Variants in PALM2AKAP2 observed in about 807,000 individuals in gnomAD.
The protein encoded by PALM2AKAP2 is PALM2 and AKAP2 fusion, also known as PALM2-AKAP2 fusion protein.
PALM2AKAP2 carries 37 observed loss-of-function variants against 71.5 expected under a neutral mutation model. That is an observed-to-expected ratio of 0.52 (90% CI 0.40 to 0.68). The LOEUF (loss-of-function observed/expected upper bound fraction) is 0.68, where lower values mean the gene tolerates loss of function less well. Ranked by LOEUF, PALM2AKAP2 falls within the 30% of genes least tolerant of loss-of-function variation. The pLI is 0.00. For missense variants in PALM2AKAP2, 1,224 were observed against 1,191.8 expected (o/e 1.03, Z -0.40); for synonymous variants, 468 against 478.8 (o/e 0.98, Z 0.29).
chr9:109,980,763 T>C (rs1832254891), intron 6 of PALM2AKAP2, among the ~76,000 whole-genome samples: 1 of 152,246 alleles, frequency 6.6e-6, no homozygotes, highest in South Asian at 2.1e-4. Context: ...TACAGGCCAA[T>C]TGTTCTACTC....
chr9:109,839,109 T>C (rs1182946902), intron 1 of PALM2AKAP2, among the ~76,000 whole-genome samples: 5 of 152,202 alleles, frequency 3.3e-5, no homozygotes, highest in African/African-American at 1.2e-4. Context: ...CCAATATCCC[T>C]GATGAACATC....
At chr9:109,663,016 C>T (rs978147825) in intron 1 of PALM2AKAP2, among the ~76,000 whole-genome samples, 2 of 152,048 alleles carry the variant, frequency 1.3e-5, no homozygotes, top group East Asian at 1.9e-4. Context: ...TGCTGATATC[C>T]CCTTTATCAT....
rs375056814 is a variant in PALM2AKAP2, at chr9:110,071,089, G to A, written c.156+22234G>A. Among the ~76,000 whole-genome samples, 69 of 148,068 alleles carry A rather than the reference G, an allele frequency of 4.7e-4. 1 individual carries two copies. Among genetic ancestry groups the A allele is most frequent in the African/African-American group, 1.4e-3 (56 of 39,952 alleles). Reference sequence around the variant, plus strand: ...TGAGGCAGGAGAATTGCTTGAACTCGAGAGGCGGAGGCTGCAGGGAGCCCA... The same window carrying A: ...TGAGGCAGGAGAATTGCTTGAACTCAAGAGGCGGAGGCTGCAGGGAGCCCA... On this transcript the variant is annotated intron_variant, in intron 1 of 3. Transcript: ENST00000374525.
At position 110,135,164 on chromosome 9, in the gene PALM2AKAP2, A is replaced by AAAAATAT; in HGVS notation, c.157-962_157-961insAAATATA. Among the ~76,000 whole-genome samples, 52 of 51,720 alleles carry AAAAATAT rather than the reference A, an allele frequency of 1.0e-3. 5 individuals carry two copies. The highest frequency in any genetic ancestry group is 3.7e-3 in the African/African-American group (50 of 13,622). 33.9% of individuals were successfully genotyped at this position (51,720 alleles called of 152,430 possible). A position where few individuals can be genotyped will look rare whatever the true frequency, so the allele number is the denominator to read the frequency against. Reference sequence around the variant, plus strand: ...AACTCTGTCTCTACAAAAAAAAAAAAATATATAAATATATATATATATATA... The same window carrying AAAAATAT: ...AACTCTGTCTCTACAAAAAAAAAAAAAAAATATATATATAAATATATATATATATATA... On this transcript the variant is annotated intron_variant, in intron 1 of 3. Coordinates refer to ENST00000374525, the Ensembl canonical transcript of PALM2AKAP2.
chr9:109,923,751 C>A, exon 4 of PALM2AKAP2: 1 of 1,597,616 alleles, frequency 6.3e-7, no homozygotes, highest in South Asian at 1.1e-5. Context: ...GCAAGAAATA[C>A]AAACGCTAGA....
chr9:109,956,087 C>T (rs1831741625), intron 6 of PALM2AKAP2, among the ~76,000 whole-genome samples: 1 of 151,682 alleles, frequency 6.6e-6, no homozygotes, highest in South Asian at 2.1e-4. Context: ...CCACTGCAAC[C>T]TCCGCCTCCC....
intron 3 of PALM2AKAP2, among the ~76,000 whole-genome samples, chr9:109,910,129 G>C (rs1355580668): frequency 4.6e-5 from 7 of 152,334 alleles, no homozygotes; most frequent in Non-Finnish European, 7.3e-5. Context: ...ACACTTAGTT[G>C]ACCTGGTGAC....
At chr9:110,072,320 C>T (rs980663612) in intron 1 of PALM2AKAP2, among the ~76,000 whole-genome samples, 1 of 152,162 alleles carries the variant, frequency 6.6e-6, no homozygotes, top group African/African-American at 2.4e-5. Context: ...CTCTCTGGAC[C>T]AGCTCTGTGG....
chr9:109,719,278 C>G (rs1828371725), intron 1 of PALM2AKAP2, among the ~76,000 whole-genome samples: 1 of 152,152 alleles, frequency 6.6e-6, no homozygotes, highest in African/African-American at 2.4e-5. Flanking sequence ...AAAGAGGGCT[C>G]TAGTGAGTGG....
chr9:109,810,992 G>A (rs552498999), intron 1 of PALM2AKAP2, among the ~76,000 whole-genome samples: 8 of 152,232 alleles, frequency 5.3e-5, no homozygotes, highest in Admixed American at 5.2e-4. Context: ...CTGGCAGGGA[G>A]GAAGGGGGAA....
chr9:109,865,096 C>CTTGTTTTTTTT (rs1829413731), intron 1 of PALM2AKAP2, among the ~76,000 whole-genome samples: 1 of 75,640 alleles, frequency 1.3e-5, no homozygotes, highest in African/African-American at 5.5e-5. Context: ...CTACTCATTC[C>CTTGTTTTTTTT]TTTTTTTTTT....
At chr9:110,138,572 C>G in intron 2 of PALM2AKAP2, 33 bp downstream of exon 8, 4 of 1,535,584 alleles carry the variant, frequency 2.6e-6, no homozygotes, top group African/African-American at 1.4e-5. Flanking sequence ...GAGACAGATG[C>G]CACAGCAGTC....
chr9:109,652,191 G>T (rs1030057229), intron 1 of PALM2AKAP2, among the ~76,000 whole-genome samples: 1 of 152,108 alleles, frequency 6.6e-6, no homozygotes, highest in African/African-American at 2.4e-5. Flanking sequence ...ATAGTATTTT[G>T]ATATAGTTTG....
chr9:110,149,319 C>T (rs986861750), intron 2 of PALM2AKAP2, among the ~76,000 whole-genome samples: 1 of 152,160 alleles, frequency 6.6e-6, no homozygotes, highest in Non-Finnish European at 1.5e-5. Context: ...CTTCTGAGCT[C>T]CTCTGGGTAT....
intron 1 of PALM2AKAP2, among the ~76,000 whole-genome samples, chr9:109,811,581 A>G (rs1049822324): frequency 6.6e-6 from 1 of 151,894 alleles, no homozygotes; most frequent in Non-Finnish European, 1.5e-5. Context: ...CTTTTTCTTT[A>G]TGTTTTTAGA....
chr9:109,901,959 G>A (rs1469297173), intron 3 of PALM2AKAP2, among the ~76,000 whole-genome samples: 2 of 152,182 alleles, frequency 1.3e-5, no homozygotes, highest in East Asian at 1.9e-4. Flanking sequence ...TGCTGCATCC[G>A]CTGTCTCCTT....
intron 1 of PALM2AKAP2, among the ~76,000 whole-genome samples, chr9:109,685,370 A>T (rs554576008): frequency 6.6e-6 from 1 of 152,320 alleles, no homozygotes; most frequent in East Asian, 1.9e-4. Context: ...ATACACAGTT[A>T]TATGTCAGAG....
upstream of PALM2AKAP2, among the ~76,000 whole-genome samples, chr9:109,777,247 C>T (rs1829361629): frequency 6.6e-6 from 1 of 152,212 alleles, no homozygotes; most frequent in Non-Finnish European, 1.5e-5. Context: ...TTATCCATTT[C>T]TTCCTCCTTC....
chr9:109,694,470 A>G (rs1351787800), intron 1 of PALM2AKAP2, among the ~76,000 whole-genome samples: 18 of 152,074 alleles, frequency 1.2e-4, no homozygotes, highest in Admixed American at 1.0e-3. Context: ...TCTCATTTAC[A>G]TTAGCAACAT....
Sources: gnomAD v4.1 joint callset for allele counts (sites outside exome capture counted in the v4.1 genomes callset) on GRCh38, gnomAD v4.1.1 for gene constraint, MANE v1.5 for transcripts, NCBI Gene and HGNC (gene_info 2026-07-23, HGNC 2026-07-21) for gene names.